CAST: variants seen among roughly 807,000 people sequenced by gnomAD.
CAST encodes the protein MIR583 host.
In CAST, 76 loss-of-function variants were observed where a neutral mutation model predicts 119.6. The ratio of observed to expected loss-of-function variants is 0.64; its 90% CI spans 0.53 to 0.77. The LOEUF is 0.77. Among genes scored for constraint, CAST ranks in the 30% least tolerant of loss-of-function variants. The pLI is 0.00. For synonymous variants in CAST, 319 were observed against 331.6 expected (o/e 0.96, Z 0.41); for missense variants, 953 against 946.5 (o/e 1.01, Z -0.09).
At chr5:96,746,207 G>A in intron 16 of CAST, 135 bp from the exon 17 acceptor site, 1 of 653,320 alleles carries the variant, frequency 1.5e-6, no homozygotes, top group Non-Finnish European at 2.8e-6. Context: ...GTGCTTTGTA[G>A]TTTACAAGGC....
rs553979729 is a variant in CAST at position 96,729,217 on chromosome 5, A to T, written c.435+8A>T. ...CCAAAAGAACACACAGAGGTAAATGATTATCATCAGGACTTAATTATAAGG... is the reference window on the plus strand; with the variant it reads ...CCAAAAGAACACACAGAGGTAAATGTTTATCATCAGGACTTAATTATAAGG... On this transcript the variant is annotated splice_region_variant and intron_variant, in intron 7 of 31. Transcript: ENST00000675179. 1 of 1,528,390 alleles carries T rather than the reference A, an allele frequency of 6.5e-7. No homozygotes were observed. The highest frequency in any genetic ancestry group is 1.1e-5 in the South Asian group (1 of 88,376). The allele number at this position is 1,528,390 out of a possible 1,614,324, so 94.7% of individuals were successfully genotyped here. A position where few individuals can be genotyped will look rare whatever the true frequency, so the allele number is the denominator to read the frequency against.
chr5:96,709,938 G>A (rs1235342683), intron 3 of CAST, among the ~76,000 whole-genome samples: 1 of 152,094 alleles, frequency 6.6e-6, no homozygotes, highest in Non-Finnish European at 1.5e-5. Flanking sequence ...TATTGGGATC[G>A]ATGATGTCTA....
At chr5:96,226,291 C>T in the CAST span, among the ~76,000 whole-genome samples, 148 of 152,208 alleles carry the variant, frequency 9.7e-4, 2 homozygotes, top group South Asian at 0.031. Context: ...AACCGTTGTA[C>T]CAATGAACAG....
the CAST span, among the ~76,000 whole-genome samples, chr5:96,274,499 G>C: frequency 6.6e-6 from 1 of 152,144 alleles, no homozygotes; most frequent in Non-Finnish European, 1.5e-5. Context: ...CTTATTCTAA[G>C]AGCATCATAA....
the CAST span, among the ~76,000 whole-genome samples, chr5:96,444,356 CT>C: frequency 6.6e-6 from 1 of 152,172 alleles, no homozygotes; most frequent in African/African-American, 2.4e-5. Context: ...CCTTGATGTT[CT>C]GACACTTAAA....
chr5:95,973,847 A>G, the CAST span, among the ~76,000 whole-genome samples: 5 of 152,114 alleles, frequency 3.3e-5, no homozygotes, highest in Non-Finnish European at 7.4e-5. Flanking sequence ...TTTCTCAACA[A>G]TTTTATCTTC....
chr5:96,108,464 T>G, the CAST span, among the ~76,000 whole-genome samples: 1 of 152,078 alleles, frequency 6.6e-6, no homozygotes, highest in Non-Finnish European at 1.5e-5. Flanking sequence ...CAGCTGCAAG[T>G]CTGTTGGAGT....
At chr5:96,616,744 CTA>C (rs755651461) in intron 1 of CAST, among the ~76,000 whole-genome samples, 3,156 of 122,892 alleles carry the variant, frequency 0.026, 42 homozygotes, top group Middle Eastern at 0.039. Context: ...CTCTCTCTCT[CTA>C]TATATATACA....
At chr5:96,368,298 G>A in the CAST span, among the ~76,000 whole-genome samples, 9 of 151,866 alleles carry the variant, frequency 5.9e-5, no homozygotes, top group Middle Eastern at 3.4e-3. Context: ...TCAGGAGTTC[G>A]AGACCAGCCT....
intron 20 of CAST, among the ~76,000 whole-genome samples, chr5:96,751,789 G>A (rs560812613): frequency 5.3e-5 from 8 of 152,150 alleles, no homozygotes; most frequent in South Asian, 4.1e-4. Context: ...GTGACTGCCC[G>A]GGCTTTAGAG....
chr5:96,275,300 C>T, the CAST span, among the ~76,000 whole-genome samples: 1 of 152,162 alleles, frequency 6.6e-6, no homozygotes, highest in African/African-American at 2.4e-5. Flanking sequence ...TACTAAAGAG[C>T]TTGTATTAGT....
the CAST span, among the ~76,000 whole-genome samples, chr5:96,337,210 C>CCA: frequency 5.9e-5 from 9 of 151,526 alleles, no homozygotes; most frequent in Non-Finnish European, 1.0e-4. Flanking sequence ...AATCACACAA[C>CCA]CACACACACA....
In CAST at chr5:96,534,749, GAAAGAAAGAA is replaced by G. The variant is rs1249640629; in HGVS notation, c.60+4871_60+4880del. Among the ~76,000 whole-genome samples the G allele has an allele frequency of 1.4e-3, 66 of 47,426 alleles. 2 individuals carry two copies. Among genetic ancestry groups the G allele is most frequent in the African/African-American group, 2.3e-3 (26 of 11,174 alleles). The allele number at this position is 47,426 out of a possible 152,430, so 31.1% of individuals were successfully genotyped here. The stretch of plus-strand genomic sequence containing the variant: ...AGAGAGAGAGAGAGAGAGAAAGAAA[GAAAGAAAGAA>G]AGAAAGAAAGAAAGAAAGAAAGAAA... On this transcript the variant is annotated intron_variant, in intron 1 of 11. Transcript: ENST00000505143.
At chr5:96,548,710 G>T (rs1004002503) in intron 1 of CAST, among the ~76,000 whole-genome samples, 3 of 152,164 alleles carry the variant, frequency 2.0e-5, no homozygotes, top group Admixed American at 1.3e-4. Context: ...CTTCTCTCTA[G>T]TTTATTTCTC....
the CAST span, among the ~76,000 whole-genome samples, chr5:95,998,335 T>C: frequency 2.0e-5 from 3 of 152,218 alleles, no homozygotes; most frequent in Non-Finnish European, 1.5e-5. Flanking sequence ...TGGTAAAGTC[T>C]AGATTTTTAG....
At chr5:96,406,752 C>T in the CAST span, among the ~76,000 whole-genome samples, 2 of 152,216 alleles carry the variant, frequency 1.3e-5, no homozygotes, top group Non-Finnish European at 2.9e-5. Flanking sequence ...TTTGTTCTCT[C>T]TCTAGAGAAT....
the CAST span, among the ~76,000 whole-genome samples, chr5:96,454,958 T>C: frequency 6.6e-6 from 1 of 152,282 alleles, no homozygotes; most frequent in African/African-American, 2.4e-5. Flanking sequence ...TTGGCATTTC[T>C]ATTTATGACA....
chr5:96,430,323 G>GAAAC, the CAST span, among the ~76,000 whole-genome samples: 5 of 152,150 alleles, frequency 3.3e-5, no homozygotes, highest in African/African-American at 1.2e-4. Flanking sequence ...TTAAAATTAA[G>GAAAC]AAACAAACAG....
chr5:96,654,455 T>A (rs1748131737), intron 1 of CAST, among the ~76,000 whole-genome samples: 1 of 152,182 alleles, frequency 6.6e-6, no homozygotes, highest in African/African-American at 2.4e-5. Context: ...AAACCTCACG[T>A]GTAGTGTGCA....
Sources: allele counts gnomAD v4.1 joint callset (sites outside exome capture counted in the v4.1 genomes callset), GRCh38; gene constraint gnomAD v4.1.1; transcripts MANE v1.5; gene names NCBI Gene and HGNC (gene_info 2026-07-23, HGNC 2026-07-21).